MGAT4C: variants seen among roughly 807,000 people sequenced by gnomAD.
MGAT4C encodes MGAT4 family member C.
In MGAT4C, 19 loss-of-function variants were observed where a neutral mutation model predicts 40.1. The ratio of observed to expected loss-of-function variants is 0.47; its 90% CI spans 0.33 to 0.70. MGAT4C has a LOEUF of 0.70. Among genes scored for constraint, MGAT4C ranks in the 30% least tolerant of loss-of-function variants. MGAT4C has a pLI of 0.02. For missense variants in MGAT4C, 491 were observed against 563.2 expected (o/e 0.87, Z 1.30); for synonymous variants, 181 against 187.1 (o/e 0.97, Z 0.27).
At chr12:86,721,030 G>A (rs1461909213) in intron 2 of MGAT4C, among the ~76,000 whole-genome samples, 1 of 152,090 alleles carries the variant, frequency 6.6e-6, no homozygotes, top group Non-Finnish European at 1.5e-5. Flanking sequence ...AAGTTGGTGA[G>A]AGAAACTTTG....
chr12:86,610,950 G>T (rs1173403460), intron 2 of MGAT4C, among the ~76,000 whole-genome samples: 1 of 152,050 alleles, frequency 6.6e-6, no homozygotes, highest in Non-Finnish European at 1.5e-5. Flanking sequence ...TCAGAGCAGA[G>T]ATTCCCCATT....
intron 1 of MGAT4C, among the ~76,000 whole-genome samples, chr12:86,119,713 C>T (rs1387419502): frequency 2.0e-5 from 3 of 149,748 alleles, no homozygotes; most frequent in African/African-American, 7.3e-5. Flanking sequence ...CCGGCCCCCT[C>T]CCACCATTCT....
At chr12:86,540,667 C>T (rs1026821808) in intron 2 of MGAT4C, among the ~76,000 whole-genome samples, 8 of 151,946 alleles carry the variant, frequency 5.3e-5, no homozygotes, top group African/African-American at 1.5e-4. Flanking sequence ...AGCCGGGAGG[C>T]GGAGGTTGCA....
At chr12:86,391,629 C>T (rs1327328507) in intron 3 of MGAT4C, among the ~76,000 whole-genome samples, 2 of 152,030 alleles carry the variant, frequency 1.3e-5, no homozygotes, top group Non-Finnish European at 2.9e-5. Context: ...GAGGCTGAGG[C>T]GGGCGGATAA....
intron 1 of MGAT4C, among the ~76,000 whole-genome samples, chr12:86,825,686 T>C (rs1952793028): frequency 6.6e-6 from 1 of 151,436 alleles, no homozygotes; most frequent in Admixed American, 6.6e-5. Flanking sequence ...TTTAAAGACA[T>C]AAAATATATA....
chr12:86,329,333 G>A (rs1954603807), intron 4 of MGAT4C, among the ~76,000 whole-genome samples: 1 of 151,996 alleles, frequency 6.6e-6, no homozygotes, highest in Non-Finnish European at 1.5e-5. Flanking sequence ...TAAGATAAGG[G>A]CTGGTTCAGT....
intron 2 of MGAT4C, among the ~76,000 whole-genome samples, chr12:86,696,380 G>A (rs1474909760): frequency 1.3e-5 from 2 of 151,984 alleles, no homozygotes; most frequent in African/African-American, 4.8e-5. Flanking sequence ...AAAAAAAAGT[G>A]GTTAGTCAAA....
chr12:86,017,433 C>T (rs2136847504), intron 2 of MGAT4C, among the ~76,000 whole-genome samples: 1 of 152,222 alleles, frequency 6.6e-6, no homozygotes, highest in South Asian at 2.1e-4. Flanking sequence ...AAGAAGGAAC[C>T]ATACATTTCT....
intron 1 of MGAT4C, among the ~76,000 whole-genome samples, chr12:86,246,907 A>G (rs1028144690): frequency 2.0e-5 from 3 of 152,242 alleles, no homozygotes; most frequent in South Asian, 2.1e-4. Context: ...TCTTTGTTCT[A>G]TATTTTGAGA....
At chr12:86,247,135 A>G (rs2136063423) in intron 1 of MGAT4C, among the ~76,000 whole-genome samples, 1 of 152,334 alleles carries the variant, frequency 6.6e-6, no homozygotes, top group South Asian at 2.1e-4. Context: ...CATAACTCAA[A>G]ATGCACAATC....
At chr12:86,377,561 G>A (rs550381722) in intron 3 of MGAT4C, among the ~76,000 whole-genome samples, 6 of 152,124 alleles carry the variant, frequency 3.9e-5, no homozygotes, top group Admixed American at 2.6e-4. Context: ...AATGACTTGC[G>A]CTCTTAACGA....
At chr12:86,393,164 T>C (rs1288578833) in intron 3 of MGAT4C, among the ~76,000 whole-genome samples, 1 of 152,180 alleles carries the variant, frequency 6.6e-6, no homozygotes, top group Admixed American at 6.5e-5. Flanking sequence ...TGTAGAGTTT[T>C]CTAAATGTAT....
chr12:85,999,597 A>ATAT (rs1887063921), intron 2 of MGAT4C, among the ~76,000 whole-genome samples: 1 of 150,892 alleles, frequency 6.6e-6, no homozygotes, highest in Non-Finnish European at 1.5e-5. Context: ...ATATATATAT[A>ATAT]TATATATATA....
intron 1 of MGAT4C, among the ~76,000 whole-genome samples, chr12:86,077,765 AAT>A (rs1310874481): frequency 6.6e-6 from 1 of 152,114 alleles, no homozygotes; most frequent in Non-Finnish European, 1.5e-5. Flanking sequence ...GCACGGTAAT[AAT>A]ATGAGATTCC....
At chr12:86,152,165 C>T (rs1211856015) in intron 1 of MGAT4C, among the ~76,000 whole-genome samples, 1 of 152,196 alleles carries the variant, frequency 6.6e-6, no homozygotes, top group African/African-American at 2.4e-5. Context: ...CAGGCTTTAC[C>T]CTATCATGGT....
rs139818322 is a variant in MGAT4C, at chr12:86,399,131, C to T, written c.-120+36026G>A. On this transcript the variant is annotated intron_variant, in intron 3 of 7. Transcript: ENST00000548651. ...GACTACAGGCACCCACCACCGTGCC[C>T]GGCTAATTTTTTGTATTTTTAGTAG... Among the ~76,000 whole-genome samples, 898 of 151,830 alleles carry T rather than the reference C, an allele frequency of 5.9e-3. 4 individuals are homozygous for T. Among genetic ancestry groups the T allele is most frequent in the African/African-American group, 0.02 (844 of 41,370 alleles).
chr12:86,612,190 A>T (rs1962304067), intron 2 of MGAT4C, among the ~76,000 whole-genome samples: 1 of 152,078 alleles, frequency 6.6e-6, no homozygotes, highest in Admixed American at 6.5e-5. Context: ...TGATACTTGA[A>T]TGCATTATGC....
At chr12:86,275,593 G>A (rs1324669086) in intron 4 of MGAT4C, among the ~76,000 whole-genome samples, 3 of 152,146 alleles carry the variant, frequency 2.0e-5, no homozygotes, top group African/African-American at 4.8e-5. Flanking sequence ...TTGATCCAAT[G>A]TAGTGACAAA....
chr12:86,309,721 G>C (rs1467595705), intron 4 of MGAT4C, among the ~76,000 whole-genome samples: 1 of 152,136 alleles, frequency 6.6e-6, no homozygotes, highest in Non-Finnish European at 1.5e-5. Context: ...AATTGTTGGT[G>C]GCAATATTAT....
Sources: allele counts gnomAD v4.1 joint callset (sites outside exome capture counted in the v4.1 genomes callset), GRCh38; gene constraint gnomAD v4.1.1; transcripts MANE v1.5; gene names NCBI Gene and HGNC (gene_info 2026-07-23, HGNC 2026-07-21).